The following SLAIN2 variants were observed in gnomAD, a reference collection of about 807,000 sequenced individuals.
SLAIN2 encodes the protein SLAIN family member 2.
SLAIN2 carries 31 observed loss-of-function variants against 56.6 expected under a neutral mutation model. The ratio of observed to expected loss-of-function variants is 0.55; its 90% CI spans 0.41 to 0.74. The LOEUF (loss-of-function observed/expected upper bound fraction) is 0.74, where lower values mean the gene tolerates loss of function less well. Ranked by LOEUF, SLAIN2 falls within the 30% of genes least tolerant of loss-of-function variation. The pLI is 0.00. For missense variants in SLAIN2, 777 were observed against 754.2 expected (o/e 1.03, Z -0.35); for synonymous variants, 317 against 284.9 (o/e 1.11, Z -1.13).
intron 6 of SLAIN2, among the ~76,000 whole-genome samples, chr4:48,403,151 T>C (rs936927286): frequency 9.2e-5 from 14 of 152,232 alleles, no homozygotes; most frequent in Non-Finnish European, 2.1e-4. Flanking sequence ...TTATGAGGTA[T>C]CTGGAGACCC....
chr4:48,368,740 T>C (rs1277576253), intron 1 of SLAIN2, among the ~76,000 whole-genome samples: 1 of 152,206 alleles, frequency 6.6e-6, no homozygotes, highest in African/African-American at 2.4e-5. Context: ...ACTATTTTTG[T>C]CCAAATGAAT....
At chr4:48,356,282 T>C (rs1715151709) in intron 1 of SLAIN2, among the ~76,000 whole-genome samples, 1 of 152,228 alleles carries the variant, frequency 6.6e-6, no homozygotes. Context: ...TATATGTATA[T>C]ATTATATATG....
chr4:48,341,874 G>A lies in SLAIN2; in HGVS notation c.135G>A (p.Gly45=). ...SGAVQGAGSL[G]PGSPVRAGAS... is the part of the protein sequence containing the mutation. ...CCGTGCAGGGCGCCGGCTCCCTTGG[G>A]CCCGGCAGCCCGGTTCGGGCCGGCG... Residue 45 remains glycine (G), a synonymous_variant, in exon 1 of 8, where the codon GGG becomes GGA. Transcript: ENST00000264313. 1 of 1,516,132 alleles carries A rather than the reference G, an allele frequency of 6.6e-7. No homozygotes were observed. The highest frequency in any genetic ancestry group is 8.8e-7 in the Non-Finnish European group (1 of 1,132,976). 93.9% of individuals were successfully genotyped at this position (1,516,132 alleles called of 1,614,324 possible).
rs1322793808 is a variant in SLAIN2 at position 48,369,934 on chromosome 4, C to T, written c.475C>T (p.Pro159Ser). 1.2e-6 allele frequency: 2 copies of T among 1,613,454 alleles called. No homozygotes were observed. The highest frequency in any genetic ancestry group is 1.7e-5 in the Admixed American group (1 of 59,986). The change falls in exon 2 of 8, where the codon CCA (proline) becomes TCA (serine). Residue 159 changes from proline to serine, a missense_variant. Coordinates refer to ENST00000264313, the MANE Select transcript of SLAIN2 (RefSeq NM_020846.2). ...LVWCRQVLDYPSPDVECAKKS... is the reference protein window; with the variant it reads ...LVWCRQVLDYSSPDVECAKKS... ...TTGGTGCAGGCAAGTTTTGGATTAC[C>T]CAAGTCCTGATGTTGAGTGTGCTAA...
intron 1 of SLAIN2, among the ~76,000 whole-genome samples, chr4:48,355,037 A>G (rs934774630): frequency 3.3e-5 from 5 of 152,020 alleles, no homozygotes; most frequent in Admixed American, 6.6e-5. Context: ...GACTGCCACC[A>G]TACCTGGCTG....
In SLAIN2 at chr4:48,422,565, G is replaced by C. The variant is rs1032073923; in HGVS notation, c.*488G>C. ...ACTAATTATCTAAAGTGTTTCACTA[G>C]TACACCAGGAAACTACAGATTGAGA... On this transcript the variant is annotated 3_prime_UTR_variant, in exon 8 of 8. Coordinates refer to ENST00000264313, the MANE Select transcript of SLAIN2 (RefSeq NM_020846.2). 1 of 152,344 alleles carries C rather than the reference G, an allele frequency of 6.6e-6. No homozygotes were observed. Among genetic ancestry groups the C allele is most frequent in the African/African-American group, 2.4e-5 (1 of 41,436 alleles). 9.4% of individuals were successfully genotyped at this position (152,344 alleles called of 1,614,324 possible). A position where few individuals can be genotyped will look rare whatever the true frequency, so the allele number is the denominator to read the frequency against.
chr4:48,402,845 T>A (rs180700834), intron 6 of SLAIN2, among the ~76,000 whole-genome samples: 93 of 152,340 alleles, frequency 6.1e-4, no homozygotes, highest in African/African-American at 2.1e-3. Flanking sequence ...TTCTTTTTCA[T>A]CTTTGTGGGC....
intron 6 of SLAIN2, among the ~76,000 whole-genome samples, chr4:48,400,344 G>A (rs1716514089): frequency 6.7e-6 from 1 of 150,038 alleles, no homozygotes; most frequent in African/African-American, 2.5e-5. Flanking sequence ...TGGGTCACTG[G>A]TGATATTCTC....
intron 1 of SLAIN2, among the ~76,000 whole-genome samples, chr4:48,344,056 T>G (rs1222305117): frequency 6.7e-6 from 1 of 148,960 alleles, no homozygotes; most frequent in Non-Finnish European, 1.5e-5. Context: ...GCCGATTAAG[T>G]CTTTGGCTGC....
At position 48,383,843 on chromosome 4, in the gene SLAIN2, G is replaced by T. The variant is rs1048438158; in HGVS notation, c.1360+59G>T. The T allele has an allele frequency of 3.9e-6, 6 of 1,532,384 alleles. No homozygotes were observed. In the African/African-American group the frequency reaches 8.2e-5, roughly 21 times the overall value. The allele number at this position is 1,532,384 out of a possible 1,614,324, so 94.9% of individuals were successfully genotyped here. A position where few individuals can be genotyped will look rare whatever the true frequency, so the allele number is the denominator to read the frequency against. On this transcript the variant is annotated intron_variant, in intron 6 of 7. Transcript: ENST00000264313. ...TATTTAAAGAGAAGTGAAAATTTTA[G>T]ATATTTGTTTTATGCTGAAAAACCG...
rs554172503 is a variant in SLAIN2, at chr4:48,404,463, C to G, written c.1361-15662C>G. 1.1e-4 allele frequency among the ~76,000 whole-genome samples: 17 copies of G among 152,300 alleles called. No individual in the cohort carries two copies. In the South Asian group the frequency reaches 3.5e-3, roughly 32 times the overall value. On this transcript the variant is annotated intron_variant, in intron 6 of 7. Coordinates refer to ENST00000264313, the MANE Select transcript of SLAIN2 (RefSeq NM_020846.2). ...TTCTAGCCCCTCTTTGCTTTCTCCT[C>G]TTACAGTTGTGTTCAAAACTAGCTT... is the stretch of plus-strand genomic sequence containing the variant.
At chr4:48,346,886 C>A (rs1714881770) in intron 1 of SLAIN2, among the ~76,000 whole-genome samples, 1 of 142,744 alleles carries the variant, frequency 7.0e-6, no homozygotes, top group Non-Finnish European at 1.5e-5. Context: ...GTTGCCCAGG[C>A]TAGTCTCAAA....
Position 48,349,325 on chromosome 4 carries a change from T to C in SLAIN2, c.389+7197T>C, listed in dbSNP as rs1714949705. 2.0e-5 allele frequency among the ~76,000 whole-genome samples: 3 copies of C among 152,222 alleles called. No homozygotes were observed. In the South Asian group the frequency reaches 6.2e-4, roughly 31 times the overall value. ...TTCAGTGACATTAATTTAAATGAAA[T>C]CAATCTATCAGTGATGTTAGGTTAA... On this transcript the variant is annotated intron_variant, in intron 1 of 7. Coordinates refer to ENST00000264313, the MANE Select transcript of SLAIN2 (RefSeq NM_020846.2).
rs369841584 is a variant in SLAIN2 at position 48,362,450 on chromosome 4, G to A, written c.390-7399G>A. Among the ~76,000 whole-genome samples the A allele has an allele frequency of 3.9e-5, 4 of 101,730 alleles. No homozygotes were observed. In the East Asian group the frequency reaches 1.1e-3, roughly 27 times the overall value. The allele number at this position is 101,730 out of a possible 152,430, so 66.7% of individuals were successfully genotyped here. A position where few individuals can be genotyped will look rare whatever the true frequency, so the allele number is the denominator to read the frequency against. On this transcript the variant is annotated intron_variant, in intron 1 of 7. Coordinates refer to ENST00000264313, the MANE Select transcript of SLAIN2 (RefSeq NM_020846.2). The stretch of plus-strand genomic sequence containing the variant: ...TTTTTTTTTTTTTGGACAGAGTCTT[G>A]TTCTGTCGCCCAGGGTGGAGTGCAG...
At chr4:48,343,974 T>C (rs1417728923) in intron 1 of SLAIN2, among the ~76,000 whole-genome samples, 2 of 152,248 alleles carry the variant, frequency 1.3e-5, no homozygotes, top group Non-Finnish European at 2.9e-5. Flanking sequence ...CTCATAATAA[T>C]GAGGATTAGC....
chr4:48,424,448 A>G lies in SLAIN2; in HGVS notation c.*2371A>G, dbSNP rs553815343. On this transcript the variant is annotated 3_prime_UTR_variant, in exon 8 of 8. Transcript: ENST00000264313. ...TATGAATGTTGATTATTTTGTGCCA[A>G]CAGCCCAGAATTGTCACTTATATGT... The G allele has an allele frequency of 3.3e-5, 5 of 152,266 alleles. No homozygotes were observed. The South Asian group carries it at 1.0e-3, about 32-fold the overall frequency. The allele number at this position is 152,266 out of a possible 1,614,324, so 9.4% of individuals were successfully genotyped here.
At chr4:48,379,476 G>A (rs1029972106) in intron 3 of SLAIN2, among the ~76,000 whole-genome samples, 9 of 152,030 alleles carry the variant, frequency 5.9e-5, no homozygotes, top group African/African-American at 2.2e-4. Flanking sequence ...ATACTTAGAT[G>A]AAAATATGTT....
At chr4:48,347,468 C>G (rs564703442) in intron 1 of SLAIN2, among the ~76,000 whole-genome samples, 14 of 152,128 alleles carry the variant, frequency 9.2e-5, no homozygotes, top group African/African-American at 3.1e-4. Context: ...AGGCTGGTCT[C>G]GAACTCCTGG....
chr4:48,398,212 CATT>C (rs775135275), intron 6 of SLAIN2, among the ~76,000 whole-genome samples: 217 of 152,254 alleles, frequency 1.4e-3, no homozygotes, highest in Non-Finnish European at 1.9e-3. Flanking sequence ...GATGGTATCT[CATT>C]GTTGTTTTGA....
Sources: gnomAD v4.1 joint callset for allele counts (sites outside exome capture counted in the v4.1 genomes callset) on GRCh38, gnomAD v4.1.1 for gene constraint, MANE v1.5 for transcripts, NCBI Gene and HGNC (gene_info 2026-07-23, HGNC 2026-07-21) for gene names.